The following ITPR2 variants were observed in gnomAD, a reference collection of about 807,000 sequenced individuals.
ITPR2 encodes the protein inositol 1,4,5-trisphosphate receptor type 2.
In ITPR2, 207 loss-of-function variants were observed where a neutral mutation model predicts 317.1. The ratio of observed to expected loss-of-function variants is 0.65; its 90% CI spans 0.58 to 0.73. The LOEUF is 0.73. Ranked by LOEUF, ITPR2 falls within the 30% of genes least tolerant of loss-of-function variation. ITPR2 has a pLI of 0.00. For synonymous variants in ITPR2, 1,156 were observed against 1,149.1 expected, an observed-to-expected ratio of 1.01 and a Z score of -0.12; for missense variants, 2,613 against 3,284.0, an observed-to-expected ratio of 0.80 and a Z score of 4.99.
intron 2 of ITPR2, among the ~76,000 whole-genome samples, chr12:26,740,412 T>C (rs549032846): frequency 1.3e-5 from 2 of 152,336 alleles, no homozygotes; most frequent in East Asian, 3.8e-4. Flanking sequence ...CAACTCATTA[T>C]TCTAAAAACT....
intron 47 of ITPR2, among the ~76,000 whole-genome samples, chr12:26,436,880 T>C (rs1251773675): frequency 6.6e-6 from 1 of 152,250 alleles, no homozygotes; most frequent in Non-Finnish European, 1.5e-5. Flanking sequence ...GATGGGGAAC[T>C]AGTGATTTAT....
intron 48 of ITPR2, among the ~76,000 whole-genome samples, chr12:26,431,202 T>C (rs745345620): frequency 6.6e-5 from 10 of 152,152 alleles, no homozygotes; most frequent in Non-Finnish European, 1.0e-4. Flanking sequence ...AAGCACTTGA[T>C]GGAAAAAAAG....
rs142162727 is a variant in ITPR2 at position 26,636,403 on chromosome 12, A to G, written c.2741-4344T>C. Among the ~76,000 whole-genome samples, 5 of 152,316 alleles carry G rather than the reference A, an allele frequency of 3.3e-5. No homozygotes were observed. In the East Asian group the frequency reaches 9.6e-4, roughly 29 times the overall value. On this transcript the variant is annotated intron_variant, in intron 21 of 56. Transcript: ENST00000381340. ...CGAGTTCCATGAGGACAGGGAGTCT[A>G]CCTTTTTCTAACACCTGGAATAGTG...
At chr12:26,361,791 T>G (rs908239360) in intron 55 of ITPR2, among the ~76,000 whole-genome samples, 9 of 152,234 alleles carry the variant, frequency 5.9e-5, no homozygotes, top group African/African-American at 2.2e-4. Context: ...TTCAATAACA[T>G]GCCTAATGTA....
chr12:26,711,669 T>C (rs570184105), intron 8 of ITPR2, among the ~76,000 whole-genome samples: 4 of 152,178 alleles, frequency 2.6e-5, no homozygotes, highest in Admixed American at 2.0e-4. Context: ...AGAGCTTCCA[T>C]TCTAATGGAA....
chr12:26,339,515 G>T, intron 56 of ITPR2, 32 bp from the exon 57 acceptor site: 1 of 1,585,848 alleles, frequency 6.3e-7, no homozygotes, highest in Non-Finnish European at 8.7e-7. Context: ...GTGTTCAGCG[G>T]ATTTTCTCAC....
At chr12:26,817,273 C>T (rs1205764178) in intron 1 of ITPR2, among the ~76,000 whole-genome samples, 1 of 150,128 alleles carries the variant, frequency 6.7e-6, no homozygotes, top group East Asian at 2.0e-4. Context: ...ATCTCAGAAA[C>T]CTGAAAAGCC....
chr12:26,608,831 C>G (rs1016082126), intron 26 of ITPR2, among the ~76,000 whole-genome samples: 3 of 149,334 alleles, frequency 2.0e-5, no homozygotes, highest in African/African-American at 7.4e-5. Flanking sequence ...TATCATACAG[C>G]AATATGTCCC....
chr12:26,771,649 G>A (rs952712216), intron 2 of ITPR2, among the ~76,000 whole-genome samples: 7 of 152,032 alleles, frequency 4.6e-5, no homozygotes, highest in Non-Finnish European at 1.0e-4. Context: ...TGAGCAGCTG[G>A]GACTACAGGT....
chr12:26,458,764 G>C (rs1424220315), intron 45 of ITPR2, among the ~76,000 whole-genome samples: 1 of 152,180 alleles, frequency 6.6e-6, no homozygotes, highest in East Asian at 1.9e-4. Flanking sequence ...CCCACTTGCA[G>C]CATCCATTTA....
chr12:26,814,180 C>T (rs1950808073), intron 1 of ITPR2, among the ~76,000 whole-genome samples: 1 of 152,174 alleles, frequency 6.6e-6, no homozygotes, highest in South Asian at 2.1e-4. Context: ...GCAGCCATGC[C>T]ATAAACAAAA....
At chr12:26,513,928 C>G in intron 37 of ITPR2, among the ~76,000 whole-genome samples, 1 of 133,070 alleles carries the variant, frequency 7.5e-6, no homozygotes, top group Non-Finnish European at 1.7e-5. Flanking sequence ...TGTTGTGTTT[C>G]CACCAAATTT....
chr12:26,600,509 C>T (rs976714524), intron 28 of ITPR2, among the ~76,000 whole-genome samples: 22 of 152,040 alleles, frequency 1.4e-4, no homozygotes, highest in African/African-American at 5.1e-4. Flanking sequence ...CTCTGTTTCT[C>T]CTCCCTTCTC....
intron 45 of ITPR2, among the ~76,000 whole-genome samples, chr12:26,472,628 G>A (rs1942320077): frequency 6.6e-6 from 1 of 151,878 alleles, no homozygotes. Context: ...CACTTTTTGG[G>A]CAATTCCACC....
chr12:26,815,103 C>G lies in ITPR2; in HGVS notation c.92+17587G>C, dbSNP rs533717560. ...CCTGTAATCCCAGCACTCTGGGAGG[C>G]CGAGACGGGTGAATCAGTTGAGGTC... On this transcript the variant is annotated intron_variant, in intron 1 of 56. Coordinates refer to ENST00000381340, the MANE Select transcript of ITPR2 (RefSeq NM_002223.4). Among the ~76,000 whole-genome samples the G allele has an allele frequency of 3.9e-5, 6 of 152,292 alleles. No individual in the cohort carries two copies. In the East Asian group the frequency reaches 1.2e-3, roughly 29 times the overall value.
intron 1 of ITPR2, 84 bp downstream of exon 1, chr12:26,832,606 G>C (rs979941818): frequency 8.6e-5 from 90 of 1,051,498 alleles, no homozygotes; most frequent in Non-Finnish European, 1.2e-4. Context: ...GCGGCAGCGG[G>C]AGGACCGGGC....
intron 9 of ITPR2, among the ~76,000 whole-genome samples, chr12:26,702,458 A>C (rs1300003959): frequency 1.5e-5 from 2 of 130,604 alleles, no homozygotes; most frequent in African/African-American, 2.9e-5. Context: ...TTTTATTTTG[A>C]GACAGACTCT....
At chr12:26,425,004 G>T (rs758105003) in intron 49 of ITPR2, among the ~76,000 whole-genome samples, 1 of 151,610 alleles carries the variant, frequency 6.6e-6, no homozygotes, top group Non-Finnish European at 1.5e-5. Flanking sequence ...AGTGTGATCC[G>T]CCCACCTCAG....
At chr12:26,497,786 C>G (rs113509880) in intron 37 of ITPR2, among the ~76,000 whole-genome samples, 4,436 of 150,822 alleles carry the variant, frequency 0.029, 158 homozygotes, top group African/African-American at 0.082. Context: ...TCTCAGCTCA[C>G]TGCAACCTCC....
Sources: gnomAD v4.1 joint callset for allele counts (sites outside exome capture counted in the v4.1 genomes callset) on GRCh38, gnomAD v4.1.1 for gene constraint, MANE v1.5 for transcripts, NCBI Gene and HGNC (gene_info 2026-07-23, HGNC 2026-07-21) for gene names.